The following CHMP2B variants were observed in gnomAD, a reference collection of about 807,000 sequenced individuals.
CHMP2B encodes the protein VPS2 homolog B.
CHMP2B carries 22 observed loss-of-function variants against 29.8 expected under a neutral mutation model. The ratio of observed to expected loss-of-function variants is 0.74; its 90% confidence interval spans 0.53 to 1.05. CHMP2B has a LOEUF of 1.05. Ranked by LOEUF, CHMP2B falls within the 50% of genes least tolerant of loss-of-function variation. CHMP2B has a pLI of 0.00. For synonymous variants in CHMP2B, 78 were observed against 75.8 expected (o/e 1.03, Z -0.15); for missense variants, 261 against 252.2 (o/e 1.03, Z -0.24).
intron 2 of CHMP2B, 52 bp downstream of exon 2, chr3:87,240,842 A>C: frequency 7.3e-7 from 1 of 1,369,710 alleles, no homozygotes; most frequent in Non-Finnish European, 1.0e-6. Flanking sequence ...TTTGGAAATT[A>C]CTGTAGGAAT....
At chr3:87,241,862 T>A (rs1706124762) in intron 2 of CHMP2B, among the ~76,000 whole-genome samples, 1 of 152,136 alleles carries the variant, frequency 6.6e-6, no homozygotes, top group Admixed American at 6.5e-5. Context: ...TATGTTTAAC[T>A]GCTAAAAAAT....
At chr3:87,227,692 G>C (rs1280656924) in intron 1 of CHMP2B, 136 bp downstream of exon 1, 2 of 1,115,538 alleles carry the variant, frequency 1.8e-6, no homozygotes, top group Non-Finnish European at 2.7e-6. Context: ...CCGCCCTCGC[G>C]GCACCACTTC....
At chr3:87,248,928 T>C (rs1001321361) in intron 3 of CHMP2B, among the ~76,000 whole-genome samples, 2 of 152,204 alleles carry the variant, frequency 1.3e-5, no homozygotes, top group African/African-American at 2.4e-5. Context: ...TACATATATG[T>C]TTATCATCTA....
chr3:87,228,687 C>G (rs187931970), intron 1 of CHMP2B, among the ~76,000 whole-genome samples: 1 of 152,310 alleles, frequency 6.6e-6, no homozygotes, highest in Non-Finnish European at 1.5e-5. Context: ...TATCAGATGA[C>G]ATAATACATT....
rs1706350882 is a variant in CHMP2B, at chr3:87,253,483, T to G, written c.504T>G (p.Asp168Glu). 1 of 1,610,784 alleles carries G rather than the reference T, an allele frequency of 6.2e-7. No homozygotes were observed. Among genetic ancestry groups the G allele is most frequent in the African/African-American group, 1.3e-5 (1 of 74,828 alleles). Residue 168 changes from aspartate to glutamate, a missense_variant, in exon 5 of 6, where the codon GAT (aspartate) becomes GAG (glutamate). Transcript: ENST00000263780. ...ESQDIVNQVL[D>E]EIGIEISGKM... ...AGGATATTGTGAATCAAGTTCTTGA[T>G]GAAATTGGAATTGAAATTTCTGGAA...
chr3:87,234,584 A>G (rs1481938725), intron 1 of CHMP2B, among the ~76,000 whole-genome samples: 1 of 152,208 alleles, frequency 6.6e-6, no homozygotes, highest in East Asian at 1.9e-4. Flanking sequence ...TATCTCACTG[A>G]ATGGTAAGAG....
At position 87,227,364 on chromosome 3, in the gene CHMP2B, A is replaced by C. The variant is rs574954693; in HGVS notation, c.-159A>C. 20 of 737,624 alleles carry C rather than the reference A, an allele frequency of 2.7e-5. No homozygotes were observed. In the East Asian group the frequency reaches 5.0e-4, roughly 18 times the overall value. 45.7% of individuals were successfully genotyped at this position (737,624 alleles called of 1,614,324 possible). ...ACGCGGCTGCGGTAGCTGCGGATAC[A>C]AGCCTTCCGCGGGTCCTGCCTGGCG... is the stretch of plus-strand genomic sequence containing the variant. On this transcript the variant is annotated 5_prime_UTR_variant, in exon 1 of 6. Coordinates refer to ENST00000263780, the MANE Select transcript of CHMP2B (RefSeq NM_014043.4).
At chr3:87,235,433 T>C (rs1705988105) in intron 1 of CHMP2B, among the ~76,000 whole-genome samples, 1 of 152,168 alleles carries the variant, frequency 6.6e-6, no homozygotes, top group East Asian at 1.9e-4. Flanking sequence ...TAAGGTGTTG[T>C]GATTATGTTT....
At chr3:87,250,650 A>G (rs940301253) in intron 4 of CHMP2B, among the ~76,000 whole-genome samples, 1 of 151,986 alleles carries the variant, frequency 6.6e-6, no homozygotes, top group African/African-American at 2.4e-5. Flanking sequence ...AGTCTTTTTA[A>G]AAAATAGCTT....
chr3:87,229,568 GT>G (rs889508923), intron 1 of CHMP2B, among the ~76,000 whole-genome samples: 1 of 151,366 alleles, frequency 6.6e-6, no homozygotes, highest in Non-Finnish European at 1.5e-5. Context: ...TTGAAAGGAA[GT>G]TTTTTTTTGT....
At chr3:87,246,343 G>T (rs1374022786) in intron 3 of CHMP2B, among the ~76,000 whole-genome samples, 2 of 151,968 alleles carry the variant, frequency 1.3e-5, no homozygotes, top group African/African-American at 4.8e-5. Context: ...TCACATGCTG[G>T]CCAGGCTGGT....
chr3:87,252,385 C>G (rs78827517), intron 4 of CHMP2B, among the ~76,000 whole-genome samples: 143 of 148,532 alleles, frequency 9.6e-4, no homozygotes, highest in Admixed American at 2.1e-3. Context: ...TTTTTTTTTT[C>G]TCCCAGACAT....
chr3:87,235,867 C>T (rs1223491325), intron 1 of CHMP2B, among the ~76,000 whole-genome samples: 1 of 152,222 alleles, frequency 6.6e-6, no homozygotes, highest in African/African-American at 2.4e-5. Context: ...GTGAGTACTT[C>T]TGACTGACCA....
intron 3 of CHMP2B, among the ~76,000 whole-genome samples, chr3:87,247,209 T>A (rs1196395752): frequency 1.3e-5 from 2 of 152,170 alleles, no homozygotes; most frequent in African/African-American, 2.4e-5. Context: ...GCCCACAACG[T>A]TTTTTCATTA....
At chr3:87,239,876 CA>C (rs1397475018) in intron 1 of CHMP2B, among the ~76,000 whole-genome samples, 2 of 152,054 alleles carry the variant, frequency 1.3e-5, no homozygotes, top group Non-Finnish European at 2.9e-5. Flanking sequence ...CTAACTCTTC[CA>C]AGGTATAATC....
intron 1 of CHMP2B, among the ~76,000 whole-genome samples, chr3:87,232,705 T>C (rs780177043): frequency 6.6e-6 from 1 of 152,194 alleles, no homozygotes; most frequent in Non-Finnish European, 1.5e-5. Context: ...TTCAGGTCCA[T>C]TGGCCTGTGA....
intron 1 of CHMP2B, among the ~76,000 whole-genome samples, chr3:87,231,746 G>T (rs1379006481): frequency 6.6e-6 from 1 of 151,858 alleles, no homozygotes; most frequent in Non-Finnish European, 1.5e-5. Flanking sequence ...ACATATTTTT[G>T]CTTTTGATGC....
chr3:87,249,563 A>G (rs1247859656), intron 3 of CHMP2B, among the ~76,000 whole-genome samples: 1 of 148,492 alleles, frequency 6.7e-6, no homozygotes, highest in East Asian at 2.0e-4. Flanking sequence ...TTGCCACAAA[A>G]ACAGGTAAAT....
Position 87,255,426 on chromosome 3 carries a change from T to C in CHMP2B, c.*1604T>C. The C allele has an allele frequency of 6.6e-6, 1 of 152,458 alleles. No individual in the cohort carries two copies. The allele number at this position is 152,458 out of a possible 1,614,324, so 9.4% of individuals were successfully genotyped here. A position where few individuals can be genotyped will look rare whatever the true frequency, so the allele number is the denominator to read the frequency against. On this transcript the variant is annotated 3_prime_UTR_variant, in exon 6 of 6. Coordinates refer to ENST00000263780, the MANE Select transcript of CHMP2B (RefSeq NM_014043.4). The stretch of plus-strand genomic sequence containing the variant: ...ACTTATTTACGTTCTTGTTTACATG[T>C]GGGAGCTTTTGTTTTCAAAAATTAT...
Sources: allele counts gnomAD v4.1 joint callset (sites outside exome capture counted in the v4.1 genomes callset), GRCh38; gene constraint gnomAD v4.1.1; transcripts MANE v1.5; gene names NCBI Gene and HGNC (gene_info 2026-07-23, HGNC 2026-07-21).